The following PLEKHG3 variants were observed in gnomAD, a reference collection of about 807,000 sequenced individuals.
PLEKHG3 encodes pleckstrin homology domain-containing family G member 3.
PLEKHG3 carries 62 observed loss-of-function variants against 94.9 expected under a neutral mutation model. That is an observed-to-expected ratio of 0.65 (90% CI 0.53 to 0.81). The LOEUF (loss-of-function observed/expected upper bound fraction) is 0.81, where lower values mean the gene tolerates loss of function less well. Among genes scored for constraint, PLEKHG3 ranks in the 30% least tolerant of loss-of-function variants. The pLI, the probability that PLEKHG3 is intolerant of heterozygous loss-of-function variation, is 0.00. For missense variants in PLEKHG3, 1,461 were observed against 1,619.3 expected (o/e 0.90, Z 1.68); for synonymous variants, 614 against 654.0 (o/e 0.94, Z 0.93).
Position 64,738,885 on chromosome 14 carries a change from G to A in PLEKHG3, c.1518+30G>A, listed in dbSNP as rs201489308. 295 of 1,399,336 alleles carry A rather than the reference G, an allele frequency of 2.1e-4. 2 individuals are homozygous for A. Among genetic ancestry groups the A allele is most frequent in the Non-Finnish European group, 1.3e-5 (13 of 1,006,100 alleles). The allele number at this position is 1,399,336 out of a possible 1,614,324, so 86.7% of individuals were successfully genotyped here. On this transcript the variant is annotated intron_variant, in intron 15 of 16. Transcript: ENST00000247226. This position sits in a 1 kb window ranked among gnomAD's most constrained non-coding sequence, Gnocchi z 4.8. ...GCGACCAGCAGGTGGGATGGGGATA[G>A]TAGGAAGAACTTGGAGTCCAGATTT...
In PLEKHG3 at chr14:64,746,833, G is replaced by A. The variant is rs1594725912; in HGVS notation, c.*3130G>A. 1 of 152,476 alleles carries A rather than the reference G, an allele frequency of 6.6e-6. No homozygotes were observed. The highest frequency in any genetic ancestry group is 2.1e-4 in the South Asian group (1 of 4,808). 9.4% of individuals were successfully genotyped at this position (152,476 alleles called of 1,614,324 possible). A position where few individuals can be genotyped will look rare whatever the true frequency, so the allele number is the denominator to read the frequency against. On this transcript the variant is annotated 3_prime_UTR_variant, in exon 17 of 17. Transcript: ENST00000247226. This position sits in a 1 kb window ranked among gnomAD's most constrained non-coding sequence, Gnocchi z 4.9. ...AAGCCTGGTATGCTGGTGTGGACTG[G>A]AGCTGTGTCAACCTCGTTTGGGAAT...
At position 64,736,739 on chromosome 14, in the gene PLEKHG3, A is replaced by G. The variant is rs568658256; in HGVS notation, c.1346-114A>G. 7.7e-5 allele frequency: 63 copies of G among 815,208 alleles called. No individual in the cohort carries two copies. In the African/African-American group the frequency reaches 9.3e-4, roughly 12 times the overall value. 50.5% of individuals were successfully genotyped at this position (815,208 alleles called of 1,614,324 possible). A position where few individuals can be genotyped will look rare whatever the true frequency, so the allele number is the denominator to read the frequency against. On this transcript the variant is annotated intron_variant, in intron 12 of 16. Transcript: ENST00000247226. ...CTGGGGCCTATGACTGCAGGGGGCC[A>G]AGCCAGAGTGGACTTTGAGCTGGTG...
Position 64,738,788 on chromosome 14 carries a change from C to A in PLEKHG3, c.1451C>A (p.Pro484His). The A allele has an allele frequency of 6.2e-7, 1 of 1,600,548 alleles. No individual in the cohort carries two copies. The highest frequency in any genetic ancestry group is 2.3e-5 in the East Asian group (1 of 44,336). The change falls in exon 15 of 17, where the codon CCC becomes CAC. Residue 484 changes from proline to histidine, a missense_variant. By Grantham distance (77) the Pro-to-His change is moderately conservative (BLOSUM62 -2). Transcript: ENST00000247226. This position sits in a 1 kb window ranked among gnomAD's most constrained non-coding sequence, Gnocchi z 4.8. Reference protein sequence around the residue: ...ESESSRSSRRPSGRSPTSTEK... With the variant: ...ESESSRSSRRHSGRSPTSTEK... ...GAAAGCTCCAGGAGCAGCAGAAGGCCCAGTGGCCGGTCTCCAACCAGTACT... is the reference window on the plus strand; with the variant it reads ...GAAAGCTCCAGGAGCAGCAGAAGGCACAGTGGCCGGTCTCCAACCAGTACT...
Position 64,731,918 on chromosome 14 carries a change from CT to C in PLEKHG3, c.1125+113del, listed in dbSNP as rs2081475223. On this transcript the variant is annotated intron_variant, in intron 9 of 16. Transcript: ENST00000247226. The surrounding 1 kb of genome is among the most constrained non-coding windows in gnomAD (Gnocchi z 6.1). Reference sequence around the variant, plus strand: ...CTGCCCCAAGCCCCAGTGTCTCCATCTGTGAGGCAAGGATCATTGCAGGCAC... The same window carrying C: ...CTGCCCCAAGCCCCAGTGTCTCCATCGTGAGGCAAGGATCATTGCAGGCAC... 1 of 889,708 alleles carries C rather than the reference CT, an allele frequency of 1.1e-6. No individual in the cohort carries two copies. Among genetic ancestry groups the C allele is most frequent in the African/African-American group, 1.6e-5 (1 of 60,664 alleles). 55.1% of individuals were successfully genotyped at this position (889,708 alleles called of 1,614,324 possible).
Position 64,729,573 on chromosome 14 carries a change from G to A in PLEKHG3, c.449+480G>A, listed in dbSNP as rs534550927. Among the ~76,000 whole-genome samples, 7 of 152,336 alleles carry A rather than the reference G, an allele frequency of 4.6e-5. No homozygotes were observed. The East Asian group carries it at 1.4e-3, about 29-fold the overall frequency. Reference sequence around the variant, plus strand: ...GACCAGGGGCTGTGTCAGGGCAAAAGGCATGGGTCTCCTGCCTGGGACCAC... The same window carrying A: ...GACCAGGGGCTGTGTCAGGGCAAAAAGCATGGGTCTCCTGCCTGGGACCAC... On this transcript the variant is annotated intron_variant, in intron 3 of 16. Coordinates refer to ENST00000247226, the MANE Select transcript of PLEKHG3 (RefSeq NM_001308147.2).
intron 1 of PLEKHG3, among the ~76,000 whole-genome samples, chr14:64,710,563 C>T (rs894379944): frequency 2.0e-5 from 3 of 152,000 alleles, no homozygotes; most frequent in East Asian, 1.9e-4. Flanking sequence ...CCCAGCTACT[C>T]GGGAGGCTGA....
At position 64,730,375 on chromosome 14, in the gene PLEKHG3, GC is replaced by G; in HGVS notation, c.519+65del. ...CTGAGAGCTCAGAGAGACAAGAACT[GC>G]CAGCATAAGAGGACATCTGAGTCCT... On this transcript the variant is annotated intron_variant, in intron 4 of 16. Coordinates refer to ENST00000247226, the MANE Select transcript of PLEKHG3 (RefSeq NM_001308147.2). The surrounding 1 kb of genome is among the most constrained non-coding windows in gnomAD (Gnocchi z 5.4). 9.2e-7 allele frequency: 1 copy of G among 1,085,652 alleles called. No homozygotes were observed. The highest frequency in any genetic ancestry group is 1.4e-6 in the Non-Finnish European group (1 of 735,676). The allele number at this position is 1,085,652 out of a possible 1,614,324, so 67.3% of individuals were successfully genotyped here.
Position 64,750,064 on chromosome 14 carries a change from A to T in PLEKHG3, c.*6361A>T. 6.2e-7 allele frequency: 1 copy of T among 1,614,184 alleles called. No individual in the cohort carries two copies. Among genetic ancestry groups the T allele is most frequent in the Non-Finnish European group, 8.5e-7 (1 of 1,180,024 alleles). Reference sequence around the variant, plus strand: ...GTCTCAGGGCCAGGGGTTCCTCCCCATGGTAGGGCATCCCCAGGGCCAGGT... The same window carrying T: ...GTCTCAGGGCCAGGGGTTCCTCCCCTTGGTAGGGCATCCCCAGGGCCAGGT... On this transcript the variant is annotated 3_prime_UTR_variant, in exon 17 of 17. Coordinates refer to ENST00000247226, the MANE Select transcript of PLEKHG3 (RefSeq NM_001308147.2).
rs1034772570 is a variant in PLEKHG3 at position 64,741,222 on chromosome 14, A to G, written c.1705A>G (p.Thr569Ala). The part of the protein sequence containing the change: ...DMVDFVAAES[T>A]EDLKALSSEE... ...GGTGGACTTCGTGGCAGCTGAGAGC[A>G]CTGAGGACCTTAAGGCCCTGAGCAG... Residue 569 changes from threonine (T) to alanine (A), a missense_variant, in exon 16 of 17, where the codon ACT becomes GCT. This residue lies in a region of PLEKHG3 where 1,201 missense variants were observed against 1,295.5 expected (regional missense o/e 0.93). Coordinates refer to ENST00000247226, the MANE Select transcript of PLEKHG3 (RefSeq NM_001308147.2). 22 of 1,613,948 alleles carry G rather than the reference A, an allele frequency of 1.4e-5. No individual in the cohort carries two copies. Among genetic ancestry groups the G allele is most frequent in the Non-Finnish European group, 1.9e-5 (22 of 1,179,980 alleles).
rs1298027771 is a variant in PLEKHG3 at position 64,715,309 on chromosome 14, T to C, written c.-40+10605T>C. On this transcript the variant is annotated intron_variant, in intron 1 of 16. Coordinates refer to ENST00000247226, the MANE Select transcript of PLEKHG3 (RefSeq NM_001308147.2). The surrounding 1 kb of genome is among the most constrained non-coding windows in gnomAD (Gnocchi z 4.4). ...GTCTCTCGGGCCATGTGGGAGGTTG[T>C]GGAGAGAATGGTGAAAGGCACAGGG... Among the ~76,000 whole-genome samples the C allele has an allele frequency of 6.6e-6, 1 of 152,170 alleles. No individual in the cohort carries two copies. The highest frequency in any genetic ancestry group is 1.5e-5 in the Non-Finnish European group (1 of 68,024).
chr14:64,728,365 C>T lies in PLEKHG3; in HGVS notation c.351+383C>T, dbSNP rs759891333. Among the ~76,000 whole-genome samples, 2 of 152,228 alleles carry T rather than the reference C, an allele frequency of 1.3e-5. No homozygotes were observed. The highest frequency in any genetic ancestry group is 6.5e-5 in the Admixed American group (1 of 15,290). On this transcript the variant is annotated intron_variant, in intron 2 of 16. Transcript: ENST00000247226. The surrounding 1 kb of genome is among the most constrained non-coding windows in gnomAD (Gnocchi z 5.9). ...CCTCCTCTGTAAGAGGAAGCGACAC[C>T]TACCTTGTAGGTGAAGGGCACGGAA...
intron 1 of PLEKHG3, among the ~76,000 whole-genome samples, chr14:64,712,469 CT>C (rs2081078062): frequency 6.6e-6 from 1 of 152,062 alleles, no homozygotes; most frequent in African/African-American, 2.4e-5. Context: ...CAAGGAATGT[CT>C]TTTAGGTCTT....
In PLEKHG3 at chr14:64,741,794, C is replaced by T; in HGVS notation, c.2277C>T (p.Ser759=). The change falls in exon 16 of 17, where the codon AGC becomes AGT. Residue 759 remains serine (S), a synonymous_variant. Coordinates refer to ENST00000247226, the MANE Select transcript of PLEKHG3 (RefSeq NM_001308147.2). ...GAAACTCCATCTCCAGGTTCAACAGCCTTCCCCGGCCAGACCCAGAGCCAG... is the reference window on the plus strand; with the variant it reads ...GAAACTCCATCTCCAGGTTCAACAGTCTTCCCCGGCCAGACCCAGAGCCAG... ...LVRNSISRFN[S]LPRPDPEPVP... The T allele has an allele frequency of 6.2e-7, 1 of 1,613,538 alleles. No homozygotes were observed. Among genetic ancestry groups the T allele is most frequent in the Non-Finnish European group, 8.5e-7 (1 of 1,180,038 alleles).
rs1367485871 is a variant in PLEKHG3, at chr14:64,743,531, G to C, written c.3488G>C (p.Ser1163Thr). The change falls in exon 17 of 17, where the codon AGT (serine) becomes ACT (threonine). Residue 1163 changes from serine to threonine, a missense_variant. By Grantham distance (58) the Ser-to-Thr change is moderately conservative. Transcript: ENST00000247226. This position sits in a 1 kb window ranked among gnomAD's most constrained non-coding sequence, Gnocchi z 7.2. The stretch of plus-strand genomic sequence containing the variant: ...CCCACTGCAGGGCTGGAGGAGAGCA[G>C]TGGCCAGGGACCAAGCTCACCGGTG... ...PSPTAGLEES[S>T]GQGPSSPVAL... 5 of 1,612,920 alleles carry C rather than the reference G, an allele frequency of 3.1e-6. No individual in the cohort carries two copies. Among genetic ancestry groups the C allele is most frequent in the Non-Finnish European group, 4.2e-6 (5 of 1,179,932 alleles).
rs950250509 is a variant in PLEKHG3 at position 64,721,821 on chromosome 14, G to A, written c.-39-5772G>A. ...AGCCCCTAGGGTGCAGGGAGCAGTG[G>A]GAACACACAGGCAAGAGCTGGGCCT... On this transcript the variant is annotated intron_variant, in intron 1 of 16. Coordinates refer to ENST00000247226, the MANE Select transcript of PLEKHG3 (RefSeq NM_001308147.2). This position sits in a 1 kb window ranked among gnomAD's most constrained non-coding sequence, Gnocchi z 4.3. Among the ~76,000 whole-genome samples the A allele has an allele frequency of 3.3e-5, 5 of 152,150 alleles. No individual in the cohort carries two copies. The highest frequency in any genetic ancestry group is 6.5e-5 in the Admixed American group (1 of 15,280).
chr14:64,749,571 G>A lies in PLEKHG3; in HGVS notation c.*5868G>A. The A allele has an allele frequency of 6.2e-7, 1 of 1,606,606 alleles. No homozygotes were observed. The highest frequency in any genetic ancestry group is 8.5e-7 in the Non-Finnish European group (1 of 1,179,058). On this transcript the variant is annotated 3_prime_UTR_variant, in exon 17 of 17. Coordinates refer to ENST00000247226, the MANE Select transcript of PLEKHG3 (RefSeq NM_001308147.2). The surrounding 1 kb of genome is among the most constrained non-coding windows in gnomAD (Gnocchi z 4.7). ...GGGGGCTCTTGGGACTGCCCCTTCTGAGGGGGCCTCCAGGGCAAGCGGCCT... is the reference window on the plus strand; with the variant it reads ...GGGGGCTCTTGGGACTGCCCCTTCTAAGGGGGCCTCCAGGGCAAGCGGCCT...
At position 64,716,498 on chromosome 14, in the gene PLEKHG3, CACA is replaced by C. The variant is rs1352710078; in HGVS notation, c.-39-11094_-39-11092del. Among the ~76,000 whole-genome samples, 5 of 78,808 alleles carry C rather than the reference CACA, an allele frequency of 6.3e-5. No homozygotes were observed. Among genetic ancestry groups the C allele is most frequent in the African/African-American group, 2.9e-4 (5 of 17,038 alleles). The allele number at this position is 78,808 out of a possible 152,430, so 51.7% of individuals were successfully genotyped here. A position where few individuals can be genotyped will look rare whatever the true frequency, so the allele number is the denominator to read the frequency against. On this transcript the variant is annotated intron_variant, in intron 1 of 16. Coordinates refer to ENST00000247226, the MANE Select transcript of PLEKHG3 (RefSeq NM_001308147.2). This position sits in a 1 kb window ranked among gnomAD's most constrained non-coding sequence, Gnocchi z 5.0. The stretch of plus-strand genomic sequence containing the variant: ...ACACACACAACACACACACACACAA[CACA>C]CACACACACACACACACACACACAC...
intron 1 of PLEKHG3, among the ~76,000 whole-genome samples, chr14:64,711,415 T>G (rs1025263811): frequency 6.7e-6 from 1 of 149,652 alleles, no homozygotes; most frequent in Non-Finnish European, 1.5e-5. Flanking sequence ...ATGCTTTTTT[T>G]TTGTTTTTTT....
Position 64,730,799 on chromosome 14 carries a change from C to T in PLEKHG3, c.567C>T (p.Asn189=), listed in dbSNP as rs2081443365. The change falls in exon 6 of 17, where the codon AAC becomes AAT. Residue 189 remains asparagine (N), a splice_region_variant and synonymous_variant. Coordinates refer to ENST00000247226, the MANE Select transcript of PLEKHG3 (RefSeq NM_001308147.2). This position sits in a 1 kb window ranked among gnomAD's most constrained non-coding sequence, Gnocchi z 5.4. The part of the protein sequence containing the change: ...IYTQYCNNYP[N]SVAALTECMR... Reference sequence around the variant, plus strand: ...TGACTGGCCCTTCTCCCACTCCCAGCTCCGTGGCCGCCCTGACGGAATGCA... The same window carrying T: ...TGACTGGCCCTTCTCCCACTCCCAGTTCCGTGGCCGCCCTGACGGAATGCA... 2 of 1,612,912 alleles carry T rather than the reference C, an allele frequency of 1.2e-6. No homozygotes were observed. Among genetic ancestry groups the T allele is most frequent in the Non-Finnish European group, 1.7e-6 (2 of 1,179,350 alleles).
Sources: gnomAD v4.1 joint callset for allele counts (sites outside exome capture counted in the v4.1 genomes callset) on GRCh38, gnomAD v4.1.1 for gene constraint, gnomAD v4.1.1 regional missense constraint, Gnocchi (gnomAD v3.1) non-coding constraint, MANE v1.5 for transcripts, NCBI Gene and HGNC (gene_info 2026-07-23, HGNC 2026-07-21) for gene names.